The following ESYT3 variants were observed in gnomAD, a reference collection of about 807,000 sequenced individuals.
ESYT3 encodes the protein extended synaptotagmin-3.
In ESYT3, 101 loss-of-function variants were observed where a neutral mutation model predicts 111.5. That is an observed-to-expected ratio of 0.91 (90% CI 0.77 to 1.07). The LOEUF (loss-of-function observed/expected upper bound fraction) is 1.07. ESYT3 is among the 50% of genes least tolerant of loss of function. The pLI is 0.00. For missense variants in ESYT3, 1,097 were observed against 1,109.4 expected, an observed-to-expected ratio of 0.99 and a Z score of 0.16; for synonymous variants, 416 against 446.8, an observed-to-expected ratio of 0.93 and a Z score of 0.87.
At chr3:138,444,454 ATGGAGATGAAGCT>A (rs2031391646) in intron 1 of ESYT3, among the ~76,000 whole-genome samples, 2 of 152,194 alleles carry the variant, frequency 1.3e-5, no homozygotes, top group South Asian at 4.1e-4. Context: ...TACATGTTTT[ATGGAGATGAAGCT>A]TGCTAGAGAG....
intron 4 of ESYT3, among the ~76,000 whole-genome samples, chr3:138,458,041 A>AG (rs1388571398): frequency 6.6e-6 from 1 of 152,196 alleles, no homozygotes; most frequent in Non-Finnish European, 1.5e-5. Context: ...ATAAGTGACT[A>AG]GTTCAGGGGG....
rs1414801895 is a variant in ESYT3, at chr3:138,468,280, A to ATGATGCCCCCTTCT, written c.1308+89_1308+102dup. 4 of 1,268,330 alleles carry ATGATGCCCCCTTCT rather than the reference A, an allele frequency of 3.2e-6. No individual in the cohort carries two copies. In the Admixed American group the frequency reaches 6.9e-5, roughly 22 times the overall value. 78.6% of individuals were successfully genotyped at this position (1,268,330 alleles called of 1,614,324 possible). A position where few individuals can be genotyped will look rare whatever the true frequency, so the allele number is the denominator to read the frequency against. ...TGTGCAGGTGGAGGAAGGGTGGGAGATGATGCCCCCTTCTTGCTCACCTCC... is the reference window on the plus strand; with the variant it reads ...TGTGCAGGTGGAGGAAGGGTGGGAGATGATGCCCCCTTCTTGATGCCCCCTTCTTGCTCACCTCC... On this transcript the variant is annotated intron_variant, in intron 12 of 22. Transcript: ENST00000389567.
intron 12 of ESYT3, 86 bp downstream of exon 12, chr3:138,468,280 A>G: frequency 1.6e-6 from 2 of 1,268,448 alleles, no homozygotes; most frequent in Non-Finnish European, 2.3e-6. Context: ...AGGGTGGGAG[A>G]TGATGCCCCC....
rs1276302777 is a variant in ESYT3, at chr3:138,468,985, C to G, written c.1434+104C>G. 3 of 1,220,308 alleles carry G rather than the reference C, an allele frequency of 2.5e-6. No homozygotes were observed. The African/African-American group carries it at 4.5e-5, about 18-fold the overall frequency. The allele number at this position is 1,220,308 out of a possible 1,614,324, so 75.6% of individuals were successfully genotyped here. On this transcript the variant is annotated intron_variant, in intron 14 of 22. Transcript: ENST00000389567. ...TTCTGGGCCACAGTCTGTGCACACACAGCCTGGGGATAACAAGAGGTGCTG... is the reference window on the plus strand; with the variant it reads ...TTCTGGGCCACAGTCTGTGCACACAGAGCCTGGGGATAACAAGAGGTGCTG...
In ESYT3 at chr3:138,446,384, T is replaced by C. The variant is rs568465389; in HGVS notation, c.328-5664T>C. Among the ~76,000 whole-genome samples, 70 of 152,338 alleles carry C rather than the reference T, an allele frequency of 4.6e-4. 2 individuals carry two copies. The South Asian group carries it at 0.014, about 31-fold the overall frequency. ...TAAGTCATGTAACCTCTCTGAACTT[T>C]AGTTTCCTTATCTGTAAAATGGGGC... On this transcript the variant is annotated intron_variant, in intron 1 of 22. Transcript: ENST00000389567.
rs982650098 is a variant in ESYT3, at chr3:138,476,869, A to G, written c.*15A>G. On this transcript the variant is annotated 3_prime_UTR_variant, in exon 23 of 23. Coordinates refer to ENST00000389567, the MANE Select transcript of ESYT3 (RefSeq NM_031913.5). ...CCAGAAGCTGATGATGAGAATTCTT[A>G]TCACTCACCTTTATATTAAAATGTA... The G allele has an allele frequency of 5.6e-6, 9 of 1,610,930 alleles. No homozygotes were observed. The highest frequency in any genetic ancestry group is 1.3e-5 in the African/African-American group (1 of 74,840).
At chr3:138,451,932 A>G in intron 1 of ESYT3, 116 bp from the exon 2 acceptor site, 1 of 1,145,270 alleles carries the variant, frequency 8.7e-7, no homozygotes. Flanking sequence ...GGCGGCGGGG[A>G]GGAAGGGTTG....
intron 18 of ESYT3, chr3:138,473,137 C>T: frequency 7.4e-7 from 1 of 1,350,496 alleles, no homozygotes. Context: ...ACTGGGATGA[C>T]ATGGAAAGCT....
intron 3 of ESYT3, 102 bp from the exon 4 acceptor site, chr3:138,457,465 TG>T: frequency 1.1e-6 from 1 of 950,362 alleles, no homozygotes; most frequent in Non-Finnish European, 1.7e-6. Flanking sequence ...GGAAGTATGG[TG>T]GTCATGCTCG....
chr3:138,468,249 C>T (rs1047306691), intron 12 of ESYT3, 55 bp downstream of exon 12: 17 of 1,491,756 alleles, frequency 1.1e-5, no homozygotes, highest in East Asian at 2.3e-5. Context: ...GCACACGTGC[C>T]AGGTGTGTGC....
chr3:138,452,515 A>G (rs906017280), intron 2 of ESYT3, among the ~76,000 whole-genome samples: 1 of 152,186 alleles, frequency 6.6e-6, no homozygotes. Flanking sequence ...GGGAATAATT[A>G]GAGTCCTTGC....
Position 138,477,175 on chromosome 3 carries a change from G to A in ESYT3, c.*321G>A, listed in dbSNP as rs1272847447. On this transcript the variant is annotated 3_prime_UTR_variant, in exon 23 of 23. Transcript: ENST00000389567. Reference sequence around the variant, plus strand: ...TTAAACAAGTGCCACTTTTTAGTAGGTAATTATATACCATCTGATTTAGGA... The same window carrying A: ...TTAAACAAGTGCCACTTTTTAGTAGATAATTATATACCATCTGATTTAGGA... The A allele has an allele frequency of 4.2e-6, 1 of 235,722 alleles. No individual in the cohort carries two copies. The allele number at this position is 235,722 out of a possible 1,614,324, so 14.6% of individuals were successfully genotyped here. A position where few individuals can be genotyped will look rare whatever the true frequency, so the allele number is the denominator to read the frequency against.
At position 138,475,881 on chromosome 3, in the gene ESYT3, G is replaced by A. The variant is rs921217895; in HGVS notation, c.2469-342G>A. On this transcript the variant is annotated intron_variant, in intron 20 of 22. Coordinates refer to ENST00000389567, the MANE Select transcript of ESYT3 (RefSeq NM_031913.5). ...GCAGAGGTTGCGGTGAGCCAAGATC[G>A]CGCCATTGCACTCCAGCCTGGGCGA... 7.9e-5 allele frequency among the ~76,000 whole-genome samples: 12 copies of A among 152,290 alleles called. 1 individual carries two copies. Among genetic ancestry groups the A allele is most frequent in the Admixed American group, 3.3e-4 (5 of 15,300 alleles).
Position 138,472,847 on chromosome 3 carries a change from G to A in ESYT3, c.2225G>A (p.Ser742Asn), listed in dbSNP as rs2033299199. The A allele has an allele frequency of 6.2e-7, 1 of 1,613,880 alleles. No individual in the cohort carries two copies. The highest frequency in any genetic ancestry group is 8.5e-7 in the Non-Finnish European group (1 of 1,179,916). The change falls in exon 18 of 23, where the codon AGC becomes AAC. Residue 742 changes from serine (S) to asparagine (N), a missense_variant. Physicochemically the swap from Ser to Asn is conservative, Grantham distance 46. Coordinates refer to ENST00000389567, the MANE Select transcript of ESYT3 (RefSeq NM_031913.5). ...TCTTGCTTTGACCTGGCAGATATCAGCCTCAACATTGAGTATGCACCTCTC... is the reference window on the plus strand; with the variant it reads ...TCTTGCTTTGACCTGGCAGATATCAACCTCAACATTGAGTATGCACCTCTC... ...ASSCFDLADI[S>N]LNIEGGDLRR...
rs1168437988 is a variant in ESYT3, at chr3:138,470,880, C to T, written c.1594C>T (p.Leu532Phe). The change falls in exon 17 of 23, where the codon CTT becomes TTT. Residue 532 changes from leucine to phenylalanine, a missense_variant. Coordinates refer to ENST00000389567, the MANE Select transcript of ESYT3 (RefSeq NM_031913.5). Reference sequence around the variant, plus strand: ...TTGTGACTGGACCACTGCCCAGGTGCTTGATGATGACCAGGAGTGTGCTCT... The same window carrying T: ...TTGTGACTGGACCACTGCCCAGGTGTTTGATGATGACCAGGAGTGTGCTCT... The part of the protein sequence containing the change: ...VATERLHLKV[L>F]DDDQECALGM... 6.2e-7 allele frequency: 1 copy of T among 1,614,122 alleles called. No homozygotes were observed. Among genetic ancestry groups the T allele is most frequent in the Non-Finnish European group, 8.5e-7 (1 of 1,180,004 alleles).
intron 3 of ESYT3, among the ~76,000 whole-genome samples, chr3:138,456,361 T>C (rs2032277936): frequency 6.6e-6 from 1 of 151,966 alleles, no homozygotes; most frequent in Non-Finnish European, 1.5e-5. Flanking sequence ...AGTTCAGAAA[T>C]GGAGGGGTGG....
rs986736112 is a variant in ESYT3, at chr3:138,434,943, G to C, written c.145G>C (p.Val49Leu). The change falls in exon 1 of 23, where the codon GTC becomes CTC. Residue 49 changes from valine (V) to leucine (L), a missense_variant. Coordinates refer to ENST00000389567, the MANE Select transcript of ESYT3 (RefSeq NM_031913.5). ...GCGCGTGCTGTTCTACCTGGGGCCT[G>C]TCTACCTAGCTGGCTACCTGGGGCT... is the stretch of plus-strand genomic sequence containing the variant. ...VVRVLFYLGP[V>L]YLAGYLGLSI... is the part of the protein sequence containing the mutation. 22 of 1,552,778 alleles carry C rather than the reference G, an allele frequency of 1.4e-5. No homozygotes were observed. Among genetic ancestry groups the C allele is most frequent in the Non-Finnish European group, 1.8e-5 (21 of 1,147,550 alleles).
At chr3:138,471,468 A>G (rs1331631850) in intron 17 of ESYT3, among the ~76,000 whole-genome samples, 7 of 151,950 alleles carry the variant, frequency 4.6e-5, no homozygotes, top group African/African-American at 1.5e-4. Context: ...TTCCAAATCT[A>G]TTTGGTATTT....
At chr3:138,467,978 T>G (rs2033015997) in intron 11 of ESYT3, 127 bp from the exon 12 acceptor site, 1 of 770,650 alleles carries the variant, frequency 1.3e-6, no homozygotes, top group South Asian at 1.7e-5. Context: ...CTGGTCCACC[T>G]TTTCCCATAC....
Sources: gnomAD v4.1 joint callset for allele counts (sites outside exome capture counted in the v4.1 genomes callset) on GRCh38, gnomAD v4.1.1 for gene constraint, MANE v1.5 for transcripts, NCBI Gene and HGNC (gene_info 2026-07-23, HGNC 2026-07-21) for gene names.